Variants in DOP1A observed in about 807,000 individuals in gnomAD.
The protein encoded by DOP1A is DOP1 leucine zipper like protein A.
DOP1A carries 90 observed loss-of-function variants against 267.6 expected under a neutral mutation model. That is an observed-to-expected ratio of 0.34 (90% CI 0.28 to 0.40). The LOEUF (loss-of-function observed/expected upper bound fraction) is 0.40, where lower values mean the gene tolerates loss of function less well. Ranked by LOEUF, DOP1A falls within the 10% of genes least tolerant of loss-of-function variation. DOP1A has a pLI of 1.00. For missense variants in DOP1A, 2,437 were observed against 2,900.4 expected (o/e 0.84, Z 3.67); for synonymous variants, 932 against 999.1 (o/e 0.93, Z 1.27).
At position 83,162,789 on chromosome 6, in the gene DOP1A, G is replaced by C; in HGVS notation, c.6963-1G>C. On this transcript the variant is annotated splice_acceptor_variant, in intron 37 of 38. Coordinates refer to ENST00000349129, the MANE Select transcript of DOP1A (RefSeq NM_015018.4). LOFTEE classifies it high-confidence loss of function. ...TGCTGATGTCATTATTCTATACATA[G>C]GTACCGATGGGCCTTTATTCCAGAA... 1 of 1,610,768 alleles carries C rather than the reference G, an allele frequency of 6.2e-7. No individual in the cohort carries two copies. Among genetic ancestry groups the C allele is most frequent in the Non-Finnish European group, 8.5e-7 (1 of 1,178,318 alleles).
At chr6:83,120,902 T>C in intron 10 of DOP1A, 111 bp downstream of exon 10, 4 of 737,158 alleles carry the variant, frequency 5.4e-6, no homozygotes, top group Non-Finnish European at 8.1e-6. Context: ...CCTTTAAATA[T>C]AAGTTCTCAA....
rs971495751 is a variant in DOP1A, at chr6:83,083,300, G to GT, written c.-146-13422dup. Among the ~76,000 whole-genome samples the GT allele has an allele frequency of 2.1e-4, 32 of 150,488 alleles. No individual in the cohort carries two copies. The Middle Eastern group carries it at 0.01, about 49-fold the overall frequency. On this transcript the variant is annotated intron_variant, in intron 1 of 38. Transcript: ENST00000349129. ...TAACATATGTATTTACATTATTATA[G>GT]TTTTTTTTTAAGTACAATTTCTAAG... is the stretch of plus-strand genomic sequence containing the variant.
At position 83,145,544 on chromosome 6, in the gene DOP1A, A is replaced by C; in HGVS notation, c.5562A>C (p.Glu1854Asp). ...CCTAGGTCATTCCTGCAGCCAGTGA[A>C]GAACAGCTTTTATTAGTGGAATTGG... Reference protein sequence around the residue: ...TRTKVIPAASEEQLLLVELVR... With the variant: ...TRTKVIPAASDEQLLLVELVR... Residue 1854 changes from glutamate (E) to aspartate (D), a missense_variant, in exon 25 of 39, where the codon GAA (glutamate) becomes GAC (aspartate). By Grantham distance (45) the Glu-to-Asp change is conservative (BLOSUM62 2). Coordinates refer to ENST00000349129, the MANE Select transcript of DOP1A (RefSeq NM_015018.4). The C allele has an allele frequency of 6.2e-7, 1 of 1,603,714 alleles. No homozygotes were observed. The highest frequency in any genetic ancestry group is 2.3e-5 in the East Asian group (1 of 43,754).
intron 13 of DOP1A, 127 bp downstream of exon 13, chr6:83,124,946 G>A: frequency 2.2e-6 from 2 of 919,758 alleles, no homozygotes; most frequent in African/African-American, 1.7e-5. Context: ...TCTTTGGTAA[G>A]CTTTTTTCAT....
At position 83,101,291 on chromosome 6, in the gene DOP1A, C is replaced by T. The variant is rs964392975; in HGVS notation, c.320+405C>T. Among the ~76,000 whole-genome samples, 9 of 152,242 alleles carry T rather than the reference C, an allele frequency of 5.9e-5. No homozygotes were observed. In the East Asian group the frequency reaches 1.7e-3, roughly 29 times the overall value. On this transcript the variant is annotated intron_variant, in intron 4 of 38. Transcript: ENST00000349129. The stretch of plus-strand genomic sequence containing the variant: ...TCTGCCTCCCAAAGTGCTGGGATTA[C>T]AGGCATAAGCCACCGCGCCTGGCCT...
At position 83,167,920 on chromosome 6, in the gene DOP1A, T is replaced by C. The variant is rs1786212443; in HGVS notation, c.7151T>C (p.Leu2384Pro). The C allele has an allele frequency of 1.9e-6, 3 of 1,613,854 alleles. No individual in the cohort carries two copies. The African/African-American group carries it at 4.0e-5, about 22-fold the overall frequency. Residue 2384 changes from leucine (L) to proline (P), a missense_variant, in exon 39 of 39, where the codon CTG becomes CCG. By Grantham distance (98) the Leu-to-Pro change is moderately conservative. Transcript: ENST00000349129. ...RTLGWEPGHL[L>P]LTICTVRSME... ...TTGGGTTGGGAGCCAGGGCACTTGC[T>C]GCTCACCATCTGCACCGTGCGCAGT...
rs1270961582 is a variant in DOP1A, at chr6:83,141,908, C to T, written c.5416-13C>T. 1.9e-6 allele frequency: 3 copies of T among 1,575,660 alleles called. No individual in the cohort carries two copies. The highest frequency in any genetic ancestry group is 2.3e-5 in the East Asian group (1 of 44,344). ...TTAAAAGTTTCACTTTCATTTGCTTCAAATTGTTTTAGAACTTGAGACAAC... is the reference window on the plus strand; with the variant it reads ...TTAAAAGTTTCACTTTCATTTGCTTTAAATTGTTTTAGAACTTGAGACAAC... On this transcript the variant is annotated splice_polypyrimidine_tract_variant and intron_variant, in intron 23 of 38. Coordinates refer to ENST00000349129, the MANE Select transcript of DOP1A (RefSeq NM_015018.4).
chr6:83,169,679 A>G (rs1407384131), downstream of DOP1A: 9 of 463,438 alleles, frequency 1.9e-5, no homozygotes, highest in Non-Finnish European at 3.9e-5. Flanking sequence ...ATGGATATTC[A>G]TTAGACTCTG....
chr6:83,135,540 C>T (rs902844167), intron 19 of DOP1A, 79 bp from the exon 20 acceptor site: 61 of 1,405,686 alleles, frequency 4.3e-5, no homozygotes, highest in Non-Finnish European at 5.6e-5. Context: ...AAATAAGAAA[C>T]AGAATTTATT....
intron 33 of DOP1A, among the ~76,000 whole-genome samples, chr6:83,155,096 T>C (rs886919161): frequency 2.6e-5 from 4 of 152,110 alleles, no homozygotes; most frequent in African/African-American, 9.7e-5. Flanking sequence ...ATAGCTCATA[T>C]ACAAGGTGAA....
At chr6:83,069,141 G>C (rs1785191833) in intron 1 of DOP1A, among the ~76,000 whole-genome samples, 1 of 152,190 alleles carries the variant, frequency 6.6e-6, no homozygotes, top group African/African-American at 2.4e-5. Flanking sequence ...GCTTTAATCT[G>C]CTACTAACCA....
chr6:83,077,091 A>G (rs1767230566), intron 1 of DOP1A, among the ~76,000 whole-genome samples: 1 of 152,244 alleles, frequency 6.6e-6, no homozygotes, highest in Admixed American at 6.5e-5. Flanking sequence ...AGCAGAAAAT[A>G]GAATTGTTGT....
chr6:83,166,391 G>A (rs769471371), intron 38 of DOP1A: 9 of 701,426 alleles, frequency 1.3e-5, no homozygotes, highest in Middle Eastern at 2.3e-4. Context: ...GAGCCATCAC[G>A]GCACTGTATG....
At chr6:83,169,165 G>T (rs1786521379), downstream of DOP1A, 1 of 1,589,044 alleles carries the variant, frequency 6.3e-7, no homozygotes, top group Middle Eastern at 1.7e-4. Flanking sequence ...TCTTAGTACT[G>T]CCATTATTAT....
At chr6:83,092,570 C>A (rs1333735606) in intron 1 of DOP1A, among the ~76,000 whole-genome samples, 1 of 117,550 alleles carries the variant, frequency 8.5e-6, no homozygotes, top group Non-Finnish European at 1.7e-5. Context: ...CCCCCCCCCA[C>A]CATATTCACC....
At chr6:83,092,633 C>G (rs1348746945) in intron 1 of DOP1A, among the ~76,000 whole-genome samples, 1 of 136,298 alleles carries the variant, frequency 7.3e-6, no homozygotes, top group Non-Finnish European at 1.5e-5. Flanking sequence ...CAGATAGTAC[C>G]AAACTCTAAA....
Position 83,152,045 on chromosome 6 carries a change from T to A in DOP1A, c.6049+18T>A. 2 of 1,613,554 alleles carry A rather than the reference T, an allele frequency of 1.2e-6. No individual in the cohort carries two copies. Among genetic ancestry groups the A allele is most frequent in the Non-Finnish European group, 1.7e-6 (2 of 1,179,602 alleles). Reference sequence around the variant, plus strand: ...TGTTGAAGGTATTCTTGTCAAACATTTAGGTTTATTATCTGTAAGCAGGCA... The same window carrying A: ...TGTTGAAGGTATTCTTGTCAAACATATAGGTTTATTATCTGTAAGCAGGCA... On this transcript the variant is annotated intron_variant, in intron 29 of 38. Transcript: ENST00000349129.
Position 83,129,515 on chromosome 6 carries a change from T to C in DOP1A, c.2341+7T>C. ...TCTGAAAAATTGGAGACTGGTAAGG[T>C]CATCTCAGTTTTGCTTATATTTCAG... On this transcript the variant is annotated splice_region_variant and intron_variant, in intron 16 of 38. Coordinates refer to ENST00000349129, the MANE Select transcript of DOP1A (RefSeq NM_015018.4). The C allele has an allele frequency of 6.7e-7, 1 of 1,502,804 alleles. No individual in the cohort carries two copies. The highest frequency in any genetic ancestry group is 8.8e-7 in the Non-Finnish European group (1 of 1,132,930). The allele number at this position is 1,502,804 out of a possible 1,614,324, so 93.1% of individuals were successfully genotyped here.
chr6:83,089,586 C>T lies in DOP1A; in HGVS notation c.-146-7145C>T, dbSNP rs894384047. ...ACTAAAGATCAAGTCAGAGAAACTA[C>T]GATTAACAGCCCCTAGAAGAAAGAT... On this transcript the variant is annotated intron_variant, in intron 1 of 38. Transcript: ENST00000349129. Among the ~76,000 whole-genome samples, 9 of 152,146 alleles carry T rather than the reference C, an allele frequency of 5.9e-5. 1 individual carries two copies. The highest frequency in any genetic ancestry group is 5.2e-4 in the Admixed American group (8 of 15,272).
Sources: gnomAD v4.1 joint callset for allele counts (sites outside exome capture counted in the v4.1 genomes callset) on GRCh38, gnomAD v4.1.1 for gene constraint, MANE v1.5 for transcripts, NCBI Gene and HGNC (gene_info 2026-07-23, HGNC 2026-07-21) for gene names.